SCAMP1: variants seen among roughly 807,000 people sequenced by gnomAD.
The protein encoded by SCAMP1 is secretory carrier membrane protein 1.
Under a neutral mutation model 41.8 loss-of-function variants are expected in SCAMP1, and 15 were observed. The observed-to-expected ratio is 0.36, with a 90% CI of 0.24 to 0.55. The LOEUF (loss-of-function observed/expected upper bound fraction) is 0.55. Among genes scored for constraint, SCAMP1 ranks in the 20% least tolerant of loss-of-function variants. SCAMP1 has a pLI of 0.86. For synonymous variants in SCAMP1, 135 were observed against 136.8 expected, an observed-to-expected ratio of 0.99 and a Z score of 0.09; for missense variants, 341 against 412.6, an observed-to-expected ratio of 0.83 and a Z score of 1.50.
At chr5:78,459,490 A>G (rs1226677859) in intron 8 of SCAMP1, 128 bp downstream of exon 8, 8 of 572,888 alleles carry the variant, frequency 1.4e-5, no homozygotes, top group Admixed American at 3.8e-5. Context: ...CTCTCTGAGG[A>G]TTACTTTTTA....
intron 7 of SCAMP1, among the ~76,000 whole-genome samples, chr5:78,459,023 A>C (rs1753511749): frequency 6.6e-6 from 1 of 152,222 alleles, no homozygotes; most frequent in African/African-American, 2.4e-5. Context: ...AAGCTGTGTG[A>C]CCTCGGGCAG....
intron 2 of SCAMP1, among the ~76,000 whole-genome samples, chr5:78,400,902 A>G (rs1751782743): frequency 6.6e-6 from 1 of 152,152 alleles, no homozygotes; most frequent in Admixed American, 6.5e-5. Flanking sequence ...GAGAGGGGAC[A>G]TCCTTGCCTT....
At chr5:78,396,464 G>T (rs1331621702) in intron 2 of SCAMP1, among the ~76,000 whole-genome samples, 1 of 152,102 alleles carries the variant, frequency 6.6e-6, no homozygotes, top group Non-Finnish European at 1.5e-5. Context: ...AACTGACCAG[G>T]TTCAGTTCAG....
intron 1 of SCAMP1, among the ~76,000 whole-genome samples, chr5:78,362,029 C>G (rs994647211): frequency 6.6e-6 from 1 of 152,030 alleles, no homozygotes; most frequent in African/African-American, 2.4e-5. Context: ...CCTAATGTCA[C>G]TTAAAATTCA....
At chr5:78,462,744 T>A (rs1009303311) in intron 8 of SCAMP1, among the ~76,000 whole-genome samples, 3 of 150,492 alleles carry the variant, frequency 2.0e-5, no homozygotes, top group Non-Finnish European at 3.0e-5. Flanking sequence ...TTCACAGCTT[T>A]AAAAAAAAAA....
chr5:78,401,677 C>T (rs999820588), intron 2 of SCAMP1, among the ~76,000 whole-genome samples: 2 of 151,390 alleles, frequency 1.3e-5, no homozygotes, highest in African/African-American at 4.9e-5. Context: ...TAGTGGATGT[C>T]TCTTCCTTCA....
At chr5:78,441,682 G>A (rs776722216) in intron 6 of SCAMP1, among the ~76,000 whole-genome samples, 1 of 152,126 alleles carries the variant, frequency 6.6e-6, no homozygotes, top group South Asian at 2.1e-4. Context: ...ACAAAAATTA[G>A]CCAGGCATGG....
rs374631538 is a variant in SCAMP1, at chr5:78,360,884, G to T, written c.57+156G>T. Reference sequence around the variant, plus strand: ...CGTCCTCCATTTGGGGTCGCGCCCCGGCCCCGTGTCACTCCTTTGGGTTTT... The same window carrying T: ...CGTCCTCCATTTGGGGTCGCGCCCCTGCCCCGTGTCACTCCTTTGGGTTTT... On this transcript the variant is annotated intron_variant, in intron 1 of 8. Transcript: ENST00000621999. 58 of 698,418 alleles carry T rather than the reference G, an allele frequency of 8.3e-5. 1 individual carries two copies. The East Asian group carries it at 1.6e-3, about 19-fold the overall frequency. 43.3% of individuals were successfully genotyped at this position (698,418 alleles called of 1,614,324 possible). A position where few individuals can be genotyped will look rare whatever the true frequency, so the allele number is the denominator to read the frequency against.
intron 6 of SCAMP1, among the ~76,000 whole-genome samples, chr5:78,424,784 T>A (rs1752425214): frequency 6.6e-6 from 1 of 152,168 alleles, no homozygotes; most frequent in South Asian, 2.1e-4. Context: ...CTTCCACAAA[T>A]CACTAGGCAT....
intron 1 of SCAMP1, among the ~76,000 whole-genome samples, chr5:78,387,350 C>T (rs1396657162): frequency 7.0e-6 from 1 of 142,128 alleles, no homozygotes; most frequent in African/African-American, 2.6e-5. Flanking sequence ...TTTTTCCATT[C>T]ATATCCTGTA....
chr5:78,360,636 G>A lies in SCAMP1; in HGVS notation c.-36G>A. On this transcript the variant is annotated 5_prime_UTR_variant, in exon 1 of 9. Coordinates refer to ENST00000621999, the MANE Select transcript of SCAMP1 (RefSeq NM_004866.6). ...GGCCTCGCCTCGTCTCTCTCTCTGC[G>A]CCTGGGTCGGGTGGGTGACGCCGAG... The A allele has an allele frequency of 2.5e-6, 4 of 1,590,018 alleles. No individual in the cohort carries two copies. Among genetic ancestry groups the A allele is most frequent in the Non-Finnish European group, 3.4e-6 (4 of 1,169,020 alleles).
Position 78,449,798 on chromosome 5 carries a change from T to G in SCAMP1, c.633-135T>G, listed in dbSNP as rs1416661543. 7.3e-6 allele frequency: 4 copies of G among 551,592 alleles called. No individual in the cohort carries two copies. The African/African-American group carries it at 7.9e-5, about 11-fold the overall frequency. The allele number at this position is 551,592 out of a possible 1,614,324, so 34.2% of individuals were successfully genotyped here. ...CTTGAGGCCTCAGGTGGTTGCCACT[T>G]TTTTTTGTTTGTGCTTTTAAGGTTT... On this transcript the variant is annotated intron_variant, in intron 6 of 8. Coordinates refer to ENST00000621999, the MANE Select transcript of SCAMP1 (RefSeq NM_004866.6).
intron 1 of SCAMP1, among the ~76,000 whole-genome samples, chr5:78,379,056 A>T (rs1266446110): frequency 6.6e-6 from 1 of 152,184 alleles, no homozygotes; most frequent in Non-Finnish European, 1.5e-5. Flanking sequence ...TATGTTGGAG[A>T]AGAAGAATAA....
At chr5:78,402,063 T>C (rs970962245) in intron 2 of SCAMP1, among the ~76,000 whole-genome samples, 1 of 152,158 alleles carries the variant, frequency 6.6e-6, no homozygotes, top group African/African-American at 2.4e-5. Context: ...AAAATTTCTC[T>C]TGAGATTTCT....
At chr5:78,385,215 G>A (rs1751313156) in intron 1 of SCAMP1, among the ~76,000 whole-genome samples, 1 of 151,974 alleles carries the variant, frequency 6.6e-6, no homozygotes, top group Non-Finnish European at 1.5e-5. Context: ...GTCTCCTCTG[G>A]GTTTTCTAGT....
intron 7 of SCAMP1, among the ~76,000 whole-genome samples, chr5:78,451,764 C>T (rs1203079988): frequency 6.6e-6 from 1 of 152,226 alleles, no homozygotes; most frequent in Non-Finnish European, 1.5e-5. Context: ...AAGTGATTCT[C>T]ATGCCTCAGC....
rs1471229137 is a variant in SCAMP1, at chr5:78,360,682, T to G, written c.11T>G (p.Phe4Cys). The G allele has an allele frequency of 6.2e-7, 1 of 1,610,234 alleles. No individual in the cohort carries two copies. The highest frequency in any genetic ancestry group is 8.5e-7 in the Non-Finnish European group (1 of 1,178,508). The change falls in exon 1 of 9, where the codon TTC (phenylalanine) becomes TGC (cysteine). Residue 4 changes from phenylalanine to cysteine, a missense_variant. Transcript: ENST00000621999. Reference protein sequence around the residue: MSDFDSNPFADPDL... With the variant: MSDCDSNPFADPDL... ...CCGAGAGCCAGAGAGATGTCGGATTTCGACAGTAACCCGTTTGCCGACCCG... is the reference window on the plus strand; with the variant it reads ...CCGAGAGCCAGAGAGATGTCGGATTGCGACAGTAACCCGTTTGCCGACCCG...
chr5:78,429,454 TACTC>T (rs961170051), intron 6 of SCAMP1, among the ~76,000 whole-genome samples: 1 of 151,888 alleles, frequency 6.6e-6, no homozygotes, highest in African/African-American at 2.4e-5. Flanking sequence ...TTTGTCCACT[TACTC>T]TGTTAATATG....
intron 6 of SCAMP1, among the ~76,000 whole-genome samples, chr5:78,438,605 A>G: frequency 6.6e-6 from 1 of 152,116 alleles, no homozygotes; most frequent in Non-Finnish European, 1.5e-5. Context: ...CTGTTCTTTT[A>G]CATTTGCTGA....
Sources: allele counts gnomAD v4.1 joint callset (sites outside exome capture counted in the v4.1 genomes callset), GRCh38; gene constraint gnomAD v4.1.1; transcripts MANE v1.5; gene names NCBI Gene and HGNC (gene_info 2026-07-23, HGNC 2026-07-21).